The following RARA variants were observed in gnomAD, a reference collection of about 807,000 sequenced individuals.
RARA encodes PML-DDX5-RARA fusion.
Under a neutral mutation model 42.8 loss-of-function variants are expected in RARA, and 5 were observed. The ratio of observed to expected loss-of-function variants is 0.12; its 90% CI spans 0.06 to 0.25. The LOEUF (loss-of-function observed/expected upper bound fraction) is 0.25, where lower values mean the gene tolerates loss of function less well. RARA is among the 10% of genes least tolerant of loss of function. The pLI is 1.00. For missense variants in RARA, 402 were observed against 628.7 expected (o/e 0.64, Z 3.86); for synonymous variants, 256 against 259.5 (o/e 0.99, Z 0.13).
In RARA at chr17:40,345,503, C is replaced by A. The variant is rs1330986032; in HGVS notation, c.179-2813C>A. Reference sequence around the variant, plus strand: ...CGAACGGCTCGGGGGCGTGGGGAATCCGGAGTGGAGCGCTCTGCGCCGCCC... The same window carrying A: ...CGAACGGCTCGGGGGCGTGGGGAATACGGAGTGGAGCGCTCTGCGCCGCCC... On this transcript the variant is annotated intron_variant, in intron 2 of 8. Transcript: ENST00000254066. The surrounding 1 kb of genome is among the most constrained non-coding windows in gnomAD (Gnocchi z 4.8). 6.6e-6 allele frequency among the ~76,000 whole-genome samples: 1 copy of A among 152,204 alleles called. No homozygotes were observed. The highest frequency in any genetic ancestry group is 2.4e-5 in the African/African-American group (1 of 41,456).
At chr17:40,316,539 T>A (rs1196637307) in intron 1 of RARA, among the ~76,000 whole-genome samples, 2 of 152,222 alleles carry the variant, frequency 1.3e-5, no homozygotes, top group East Asian at 1.9e-4. Flanking sequence ...CTTGTGTCCA[T>A]GAGCCTTCCC....
chr17:40,311,249 G>A (rs2033089993), intron 1 of RARA, among the ~76,000 whole-genome samples: 1 of 152,094 alleles, frequency 6.6e-6, no homozygotes, highest in African/African-American at 2.4e-5. Context: ...AGGATGGTAT[G>A]AGGACTGCCC....
intron 2 of RARA, chr17:40,342,510 C>T: frequency 8.3e-6 from 11 of 1,318,714 alleles, no homozygotes; most frequent in South Asian, 1.9e-5. Context: ...TGCTTTTCAC[C>T]GGGACTGGCG....
chr17:40,315,992 G>T (rs978894837), intron 1 of RARA, among the ~76,000 whole-genome samples: 1 of 152,188 alleles, frequency 6.6e-6, no homozygotes, highest in Non-Finnish European at 1.5e-5. Context: ...CTGGTGGGAG[G>T]GGGTGGTGGA....
intron 2 of RARA, among the ~76,000 whole-genome samples, chr17:40,332,926 A>G (rs1361003419): frequency 6.6e-6 from 1 of 152,218 alleles, no homozygotes; most frequent in Non-Finnish European, 1.5e-5. Context: ...CTACTAGGGA[A>G]TGCATTGGTG....
intron 2 of RARA, 74 bp from the exon 3 acceptor site, chr17:40,348,239 CGGT>C: frequency 6.9e-7 from 1 of 1,456,210 alleles, no homozygotes; most frequent in Non-Finnish European, 9.1e-7. Flanking sequence ...TTAGGAGGGA[CGGT>C]GAGGCAGGGT....
intron 1 of RARA, among the ~76,000 whole-genome samples, chr17:40,325,219 C>G (rs1397409409): frequency 6.6e-6 from 1 of 151,510 alleles, no homozygotes; most frequent in East Asian, 1.9e-4. Flanking sequence ...CCATTGCACT[C>G]CAGCATGTGT....
At chr17:40,325,223 C>A (rs1050079976) in intron 1 of RARA, among the ~76,000 whole-genome samples, 4 of 151,528 alleles carry the variant, frequency 2.6e-5, no homozygotes, top group Admixed American at 1.3e-4. Context: ...TGCACTCCAG[C>A]ATGTGTGACA....
At chr17:40,346,581 A>G (rs1250534911) in intron 2 of RARA, among the ~76,000 whole-genome samples, 1 of 151,770 alleles carries the variant, frequency 6.6e-6, no homozygotes, top group African/African-American at 2.4e-5. Context: ...TTAGCACAAC[A>G]AAGGGCTGCT....
chr17:40,336,739 G>A (rs765749103), intron 2 of RARA, among the ~76,000 whole-genome samples: 1 of 149,532 alleles, frequency 6.7e-6, no homozygotes, highest in Non-Finnish European at 1.5e-5. Context: ...TCTGTCACCC[G>A]GGCTGGAGTG....
At chr17:40,329,021 A>G (rs1481797434) in intron 1 of RARA, among the ~76,000 whole-genome samples, 1 of 152,158 alleles carries the variant, frequency 6.6e-6, no homozygotes, top group Non-Finnish European at 1.5e-5. Flanking sequence ...TCTATTTTAC[A>G]TTCCCACCAG....
chr17:40,353,233 G>T (rs1013020445), intron 6 of RARA, among the ~76,000 whole-genome samples: 1 of 151,918 alleles, frequency 6.6e-6, no homozygotes, highest in Non-Finnish European at 1.5e-5. Flanking sequence ...GAGCTCAGGG[G>T]ACTGCCGGGC....
In RARA at chr17:40,352,898, G is replaced by A. The variant is rs1425186184; in HGVS notation, c.807+391G>A. Among the ~76,000 whole-genome samples the A allele has an allele frequency of 6.6e-6, 1 of 152,140 alleles. No homozygotes were observed. The highest frequency in any genetic ancestry group is 2.4e-5 in the African/African-American group (1 of 41,418). ...GTTCAAGACCACCCTGGGCAACATAGTGAGACCTTATTTCTGCAAAAAACT... is the reference window on the plus strand; with the variant it reads ...GTTCAAGACCACCCTGGGCAACATAATGAGACCTTATTTCTGCAAAAAACT... On this transcript the variant is annotated intron_variant, in intron 6 of 8. Transcript: ENST00000254066. The surrounding 1 kb of genome is among the most constrained non-coding windows in gnomAD (Gnocchi z 4.9).
chr17:40,356,155 C>T lies in RARA; in HGVS notation c.1318C>T (p.Pro440Ser), dbSNP rs1258058775. The T allele has an allele frequency of 6.4e-7, 1 of 1,553,680 alleles. No individual in the cohort carries two copies. Among genetic ancestry groups the T allele is most frequent in the Admixed American group, 2.0e-5 (1 of 51,226 alleles). Residue 440 changes from proline (P) to serine (S), a missense_variant, in exon 9 of 9, where the codon CCG (proline) becomes TCG (serine). Pro to Ser is a moderately conservative substitution (Grantham distance 74). This residue lies in a region of RARA where 73 missense variants were observed against 59.8 expected (regional missense o/e 1.22). Coordinates refer to ENST00000254066, the MANE Select transcript of RARA (RefSeq NM_000964.4). The part of the protein sequence containing the change: ...GGRDGGGLAP[P>S]PGSCSPSLSP... ...GCGGGACGGGGGTGGCCTGGCCCCC[C>T]CGCCAGGCAGCTGTAGCCCCAGCCT...
At chr17:40,336,738 C>G (rs1041252865) in intron 2 of RARA, among the ~76,000 whole-genome samples, 3 of 151,520 alleles carry the variant, frequency 2.0e-5, no homozygotes, top group South Asian at 2.1e-4. Context: ...TTCTGTCACC[C>G]GGGCTGGAGT....
In RARA at chr17:40,330,944, C is replaced by A; in HGVS notation, c.-275C>A. On this transcript the variant is annotated 5_prime_UTR_variant, in exon 2 of 9. Coordinates refer to ENST00000254066, the MANE Select transcript of RARA (RefSeq NM_000964.4). ...TGGTGCCCTGAAGGCCAGCTCTGGA[C>A]CTTCCCAGGAAAAGTGCCAGCTCAC... 2.3e-6 allele frequency: 1 copy of A among 427,366 alleles called. No homozygotes were observed. Among genetic ancestry groups the A allele is most frequent in the South Asian group, 4.5e-5 (1 of 22,442 alleles). The allele number at this position is 427,366 out of a possible 1,614,324, so 26.5% of individuals were successfully genotyped here.
At chr17:40,334,274 T>C (rs1231576902) in intron 2 of RARA, among the ~76,000 whole-genome samples, 2 of 152,116 alleles carry the variant, frequency 1.3e-5, no homozygotes, top group Non-Finnish European at 2.9e-5. Context: ...TCTTCGGCTT[T>C]CTCCACCCAG....
rs1204807576 is a variant in RARA, at chr17:40,356,352, C to T, written c.*126C>T. The T allele has an allele frequency of 1.3e-5, 14 of 1,085,960 alleles. No homozygotes were observed. The highest frequency in any genetic ancestry group is 1.9e-5 in the Non-Finnish European group (14 of 734,426). 67.3% of individuals were successfully genotyped at this position (1,085,960 alleles called of 1,614,324 possible). A position where few individuals can be genotyped will look rare whatever the true frequency, so the allele number is the denominator to read the frequency against. On this transcript the variant is annotated 3_prime_UTR_variant, in exon 9 of 9. Coordinates refer to ENST00000254066, the MANE Select transcript of RARA (RefSeq NM_000964.4). ...CTCCCGGGCAGTACTGGGGACCTTC[C>T]CTGGGGGACGGGGAGGGAGGAGGCA...
At chr17:40,333,574 C>A (rs2033762072) in intron 2 of RARA, among the ~76,000 whole-genome samples, 1 of 150,446 alleles carries the variant, frequency 6.6e-6, no homozygotes, top group African/African-American at 2.4e-5. Context: ...GGCCTCAAGT[C>A]ATCTGCCCGC....
Sources: gnomAD v4.1 joint callset for allele counts (sites outside exome capture counted in the v4.1 genomes callset) on GRCh38, gnomAD v4.1.1 for gene constraint, gnomAD v4.1.1 regional missense constraint, Gnocchi (gnomAD v3.1) non-coding constraint, MANE v1.5 for transcripts, NCBI Gene and HGNC (gene_info 2026-07-23, HGNC 2026-07-21) for gene names.